Variants in TEAD3 observed in about 807,000 individuals in gnomAD.
TEAD3 encodes the protein transcriptional enhancer factor TEF-5.
Under a neutral mutation model 55.6 loss-of-function variants are expected in TEAD3, and 15 were observed. That is an observed-to-expected ratio of 0.27 (90% confidence interval 0.18 to 0.42). TEAD3 has a LOEUF of 0.42. Ranked by LOEUF, TEAD3 falls within the 10% of genes least tolerant of loss-of-function variation. The pLI is 1.00. For synonymous variants in TEAD3, 210 were observed against 232.2 expected (o/e 0.90, Z 0.87); for missense variants, 407 against 576.8 (o/e 0.71, Z 3.01).
intron 8 of TEAD3, 124 bp from the exon 9 acceptor site, chr6:35,476,559 C>T: frequency 1.7e-6 from 2 of 1,176,016 alleles, no homozygotes; most frequent in South Asian, 1.4e-5. Context: ...GACTCCCCTA[C>T]TATGTGTCCT....
intron 3 of TEAD3, 42 bp from the exon 4 acceptor site, chr6:35,480,416 C>T (rs755911799): frequency 1.2e-6 from 2 of 1,608,626 alleles, no homozygotes; most frequent in East Asian, 4.5e-5. Flanking sequence ...AAAACATAGA[C>T]AGTGAGGAGG....
chr6:35,480,130 G>A (rs1221919773), intron 3 of TEAD3, 182 bp downstream of exon 4: 1 of 1,547,116 alleles, frequency 6.5e-7, no homozygotes, highest in Non-Finnish European at 8.7e-7. Context: ...GACCTGTAGA[G>A]AGAGAAAGAA....
At chr6:35,494,698 C>A (rs184189183) in intron 1 of TEAD3, among the ~76,000 whole-genome samples, 146 of 152,198 alleles carry the variant, frequency 9.6e-4, no homozygotes, top group African/African-American at 3.0e-3. Context: ...GCAGGACCAG[C>A]GATTTCCACA....
At chr6:35,479,237 T>C in intron 5 of TEAD3, 68 bp downstream of exon 5, 1 of 1,586,058 alleles carries the variant, frequency 6.3e-7, no homozygotes, top group Non-Finnish European at 8.6e-7. Context: ...AATCTGTCAT[T>C]TGAAAATCCT....
chr6:35,476,515 T>G, intron 8 of TEAD3, 80 bp from the exon 9 acceptor site: 4 of 1,572,204 alleles, frequency 2.5e-6, no homozygotes, highest in Non-Finnish European at 3.5e-6. Context: ...CTTGCAAAGG[T>G]GCCCCTTTTG....
rs1768323151 is a variant in TEAD3 at position 35,484,303 on chromosome 6, G to A, written c.267+257C>T. The stretch of plus-strand genomic sequence containing the variant: ...CTTATCTGTGGTCCCTGAACCACAG[G>A]CCCTGGGCAGGGTAGTAGGTGGTCA... On this transcript the variant is annotated intron_variant, in intron 3 of 12. Coordinates refer to ENST00000639578, the Ensembl canonical transcript of TEAD3. This position sits in a 1 kb window ranked among gnomAD's most constrained non-coding sequence, Gnocchi z 5.8. Among the ~76,000 whole-genome samples the A allele has an allele frequency of 6.6e-6, 1 of 152,218 alleles. No homozygotes were observed. The highest frequency in any genetic ancestry group is 6.5e-5 in the Admixed American group (1 of 15,280).
At position 35,483,835 on chromosome 6, in the gene TEAD3, G is replaced by A. The variant is rs1471140676; in HGVS notation, c.267+725C>T. Among the ~76,000 whole-genome samples the A allele has an allele frequency of 4.6e-5, 7 of 151,906 alleles. No individual in the cohort carries two copies. The highest frequency in any genetic ancestry group is 1.5e-4 in the African/African-American group (6 of 41,368). On this transcript the variant is annotated intron_variant, in intron 3 of 12. Coordinates refer to ENST00000639578, the Ensembl canonical transcript of TEAD3. This position sits in a 1 kb window ranked among gnomAD's most constrained non-coding sequence, Gnocchi z 4.5. ...CAGCTCTTTCCTGCCTGGGGGGCTT[G>A]AAGAAGTTACTTAACTTCCCTATGC... is the stretch of plus-strand genomic sequence containing the variant.
rs1173229322 is a variant in TEAD3 at position 35,496,687 on chromosome 6, G to T, written c.-50+211C>A. Reference sequence around the variant, plus strand: ...CCGGACCAACTCGTCCCCGTCGCGGGGGGGTGGGGAGGGCGGGGGGCGGGG... The same window carrying T: ...CCGGACCAACTCGTCCCCGTCGCGGTGGGGTGGGGAGGGCGGGGGGCGGGG... On this transcript the variant is annotated intron_variant, in intron 1 of 12. Coordinates refer to ENST00000639578, the Ensembl canonical transcript of TEAD3. The surrounding 1 kb of genome is among the most constrained non-coding windows in gnomAD (Gnocchi z 4.8). Among the ~76,000 whole-genome samples, 1 of 152,182 alleles carries T rather than the reference G, an allele frequency of 6.6e-6. No individual in the cohort carries two copies. The highest frequency in any genetic ancestry group is 6.5e-5 in the Admixed American group (1 of 15,286).
Position 35,485,422 on chromosome 6 carries a change from G to T in TEAD3, c.203-798C>A, listed in dbSNP as rs76083822. 6.6e-6 allele frequency among the ~76,000 whole-genome samples: 1 copy of T among 152,120 alleles called. No homozygotes were observed. Among genetic ancestry groups the T allele is most frequent in the Non-Finnish European group, 1.5e-5 (1 of 68,024 alleles). On this transcript the variant is annotated intron_variant, in intron 2 of 12. Coordinates refer to ENST00000639578, the Ensembl canonical transcript of TEAD3. This position sits in a 1 kb window ranked among gnomAD's most constrained non-coding sequence, Gnocchi z 4.3. ...TGAAAGGGGGATGCCTGGGCCACAC[G>T]GCTGAGCCCAAGTCAGCATGGTCAA... is the stretch of plus-strand genomic sequence containing the variant.
chr6:35,481,396 C>T lies in TEAD3; in HGVS notation c.268-1274G>A, dbSNP rs191725530. On this transcript the variant is annotated intron_variant, in intron 3 of 12. Transcript: ENST00000639578. ...GCTTTCTTTGCGAGTTGTTTTTACT[C>T]CCACAAAGAAAGCTCGTTTTTCTCT... is the stretch of plus-strand genomic sequence containing the variant. Among the ~76,000 whole-genome samples the T allele has an allele frequency of 4.2e-3, 645 of 152,196 alleles. 7 individuals carry two copies. The highest frequency in any genetic ancestry group is 0.015 in the African/African-American group (616 of 41,528).
intron 3 of TEAD3, among the ~76,000 whole-genome samples, chr6:35,481,568 G>A (rs181499090): frequency 1.2e-4 from 18 of 152,304 alleles, no homozygotes; most frequent in Non-Finnish European, 1.9e-4. Flanking sequence ...AGTAACTGGC[G>A]TTTACTGAGC....
chr6:35,479,406 G>C (rs777812475), intron 4 of TEAD3, 90 bp from the exon 5 acceptor site: 7 of 1,513,954 alleles, frequency 4.6e-6, no homozygotes, highest in Non-Finnish European at 6.4e-6. Context: ...CCTCCACCCA[G>C]TGCCCATGGG....
Position 35,484,503 on chromosome 6 carries a change from C to G in TEAD3, c.267+57G>C. The G allele has an allele frequency of 3.3e-6, 5 of 1,535,412 alleles. No homozygotes were observed. The highest frequency in any genetic ancestry group is 4.4e-6 in the Non-Finnish European group (5 of 1,128,620). On this transcript the variant is annotated intron_variant, in intron 3 of 12. Coordinates refer to ENST00000639578, the Ensembl canonical transcript of TEAD3. This position sits in a 1 kb window ranked among gnomAD's most constrained non-coding sequence, Gnocchi z 5.8. ...GGCAGGGTAGGGGCAAGGGGTTGAC[C>G]GGGGCAGCTGAGACAGAGTGTGTGG...
At chr6:35,476,305 G>A in exon 9 of TEAD3, 2 of 1,611,948 alleles carry the variant, frequency 1.2e-6, no homozygotes, top group South Asian at 1.1e-5. Context: ...ACGTTACCGT[G>A]TCAGGGTCTC....
chr6:35,486,390 A>C lies in TEAD3; in HGVS notation c.202+71T>G. 4 of 1,512,162 alleles carry C rather than the reference A, an allele frequency of 2.6e-6. No homozygotes were observed. Among genetic ancestry groups the C allele is most frequent in the Non-Finnish European group, 3.6e-6 (4 of 1,119,834 alleles). 93.7% of individuals were successfully genotyped at this position (1,512,162 alleles called of 1,614,324 possible). ...GCGGCTGGCGGCCTCCGACGTCACC[A>C]AACCGGTTGGGTGAGAGGGCAGAGA... On this transcript the variant is annotated intron_variant, in intron 2 of 12. Transcript: ENST00000639578. The surrounding 1 kb of genome is among the most constrained non-coding windows in gnomAD (Gnocchi z 7.3).
intron 1 of TEAD3, among the ~76,000 whole-genome samples, chr6:35,489,164 A>C (rs1348418142): frequency 6.6e-6 from 1 of 152,254 alleles, no homozygotes; most frequent in Non-Finnish European, 1.5e-5. Context: ...TACTAACAGT[A>C]CCTGTCATAT....
chr6:35,492,757 T>TC lies in TEAD3; in HGVS notation c.-50+4140dup, dbSNP rs368479267. 1.2e-3 allele frequency among the ~76,000 whole-genome samples: 176 copies of TC among 152,160 alleles called. 1 individual carries two copies. The highest frequency in any genetic ancestry group is 4.1e-3 in the African/African-American group (169 of 41,490). On this transcript the variant is annotated intron_variant, in intron 1 of 12. Transcript: ENST00000639578. Reference sequence around the variant, plus strand: ...GCCTCCTTCTGCAAAGCTCATCTCATCTGTTGTCACGCTCCTGCTCCCTGA... The same window carrying TC: ...GCCTCCTTCTGCAAAGCTCATCTCATCCTGTTGTCACGCTCCTGCTCCCTGA...
chr6:35,480,137 A>G, intron 3 of TEAD3, 175 bp downstream of exon 4: 7 of 1,548,096 alleles, frequency 4.5e-6, no homozygotes, highest in Middle Eastern at 1.7e-4. Context: ...AGAGAGAGAA[A>G]GAAAGAGAAA....
In TEAD3 at chr6:35,490,382, A is replaced by G. The variant is rs565808190; in HGVS notation, c.-49-3671T>C. Among the ~76,000 whole-genome samples, 20 of 152,120 alleles carry G rather than the reference A, an allele frequency of 1.3e-4. No individual in the cohort carries two copies. In the South Asian group the frequency reaches 3.9e-3, roughly 30 times the overall value. On this transcript the variant is annotated intron_variant, in intron 1 of 12. Coordinates refer to ENST00000639578, the Ensembl canonical transcript of TEAD3. ...ACGGCCCAAAGGACGTGTCAAGGAG[A>G]GAATAGGACCACCGTCCCTCCCTTC...
Sources: allele counts gnomAD v4.1 joint callset (sites outside exome capture counted in the v4.1 genomes callset), GRCh38; gene constraint gnomAD v4.1.1; non-coding constraint Gnocchi (gnomAD v3.1); transcripts MANE v1.5; gene names NCBI Gene and HGNC (gene_info 2026-07-23, HGNC 2026-07-21).